Variants in PHF24 observed in about 807,000 individuals in gnomAD.
PHF24 encodes the protein Galpha inhibitory interacting protein.
PHF24 carries 25 observed loss-of-function variants against 42.6 expected under a neutral mutation model. The ratio of observed to expected loss-of-function variants is 0.59; its 90% CI spans 0.43 to 0.82. PHF24 has a LOEUF of 0.82. PHF24 is among the 40% of genes least tolerant of loss of function. PHF24 has a pLI of 0.00. For missense variants in PHF24, 470 were observed against 538.1 expected, an observed-to-expected ratio of 0.87 and a Z score of 1.25; for synonymous variants, 185 against 204.8, an observed-to-expected ratio of 0.90 and a Z score of 0.83.
chr9:34,775,282 A>G, the PHF24 span, among the ~76,000 whole-genome samples: 1 of 152,222 alleles, frequency 6.6e-6, no homozygotes, highest in Admixed American at 6.5e-5. Context: ...AAGTGATATA[A>G]GGATACAAAA....
chr9:34,731,564 G>A, the PHF24 span, among the ~76,000 whole-genome samples: 1 of 152,018 alleles, frequency 6.6e-6, no homozygotes, highest in Non-Finnish European at 1.5e-5. Context: ...ATTTTGCCAT[G>A]CCTGGCTTAT....
chr9:34,975,363 T>C (rs1411675039), intron 3 of PHF24, among the ~76,000 whole-genome samples: 1 of 152,198 alleles, frequency 6.6e-6, no homozygotes, highest in Non-Finnish European at 1.5e-5. Context: ...AACTATTATA[T>C]ATTAGTTTTT....
At chr9:34,738,054 T>C in the PHF24 span, among the ~76,000 whole-genome samples, 2 of 147,562 alleles carry the variant, frequency 1.4e-5, no homozygotes. Flanking sequence ...AGAAATAGAG[T>C]GAGATGTTCA....
the PHF24 span, among the ~76,000 whole-genome samples, chr9:34,893,474 G>A: frequency 4.3e-3 from 660 of 152,076 alleles, 6 homozygotes; most frequent in African/African-American, 0.015. Context: ...GGTGGCGTAT[G>A]CCTGTAGTCC....
the PHF24 span, among the ~76,000 whole-genome samples, chr9:34,936,024 TCTCCCGCTCCCG>T: frequency 4.7e-5 from 7 of 148,112 alleles, no homozygotes; most frequent in East Asian, 2.0e-4. Context: ...TCCCTCTCCC[TCTCCCGCTCCCG>T]CTCCCGCTCC....
chr9:34,892,715 G>A, the PHF24 span: 46 of 476,358 alleles, frequency 9.7e-5, no homozygotes, highest in Non-Finnish European at 1.6e-4. Context: ...CTGGCTCAGA[G>A]GAATTCCAGG....
chr9:34,909,772 C>T, the PHF24 span, among the ~76,000 whole-genome samples: 18 of 152,292 alleles, frequency 1.2e-4, no homozygotes, highest in South Asian at 3.7e-3. Flanking sequence ...CAGGCATCCG[C>T]CACCATGCCT....
At chr9:34,699,145 T>C in the PHF24 span, among the ~76,000 whole-genome samples, 1 of 152,244 alleles carries the variant, frequency 6.6e-6, no homozygotes, top group Admixed American at 6.5e-5. Flanking sequence ...AGACCAGACC[T>C]TAGAAGTTTC....
At chr9:34,946,170 T>A in the PHF24 span, among the ~76,000 whole-genome samples, 3 of 152,314 alleles carry the variant, frequency 2.0e-5, no homozygotes, top group East Asian at 3.9e-4. Context: ...AATAATATAA[T>A]CTATGTAAAA....
the PHF24 span, chr9:34,889,553 C>G: frequency 2.5e-6 from 1 of 398,542 alleles, no homozygotes; most frequent in Non-Finnish European, 4.4e-6. Flanking sequence ...GAATGGATTC[C>G]TCATGCCTTC....
the PHF24 span, among the ~76,000 whole-genome samples, chr9:34,707,872 C>T: frequency 6.6e-6 from 1 of 152,074 alleles, no homozygotes; most frequent in Non-Finnish European, 1.5e-5. Context: ...GCTGGGATTA[C>T]AGGCGCCCGC....
At chr9:34,791,603 G>A in the PHF24 span, among the ~76,000 whole-genome samples, 1 of 150,914 alleles carries the variant, frequency 6.6e-6, no homozygotes, top group African/African-American at 2.4e-5. Context: ...AAAAAGAAAA[G>A]AGGACTGTGG....
At chr9:34,767,798 G>A in the PHF24 span, among the ~76,000 whole-genome samples, 7 of 152,338 alleles carry the variant, frequency 4.6e-5, no homozygotes, top group East Asian at 5.8e-4. Flanking sequence ...CTTCTGCGTC[G>A]CTCACGCTGG....
chr9:34,745,436 G>A, the PHF24 span, among the ~76,000 whole-genome samples: 1 of 151,872 alleles, frequency 6.6e-6, no homozygotes, highest in African/African-American at 2.4e-5. Flanking sequence ...AAAAGCGGTG[G>A]GGAAAGAATT....
chr9:34,695,744 G>A, the PHF24 span, among the ~76,000 whole-genome samples: 12 of 152,168 alleles, frequency 7.9e-5, no homozygotes, highest in African/African-American at 2.9e-4. Context: ...ACACACTTAT[G>A]GGTACCCAGA....
chr9:34,977,042 A>G (rs762914070), intron 5 of PHF24, 41 bp from the exon 6 acceptor site: 3 of 1,542,470 alleles, frequency 1.9e-6, no homozygotes, highest in African/African-American at 2.8e-5. Flanking sequence ...GGCAGTTTAC[A>G]AGATATCTTC....
the PHF24 span, among the ~76,000 whole-genome samples, chr9:34,753,844 C>A: frequency 6.6e-6 from 1 of 152,034 alleles, no homozygotes; most frequent in African/African-American, 2.4e-5. Context: ...GCATCTACAG[C>A]GAACTCATTT....
At chr9:34,866,526 G>C in the PHF24 span, among the ~76,000 whole-genome samples, 4 of 152,118 alleles carry the variant, frequency 2.6e-5, no homozygotes, top group Non-Finnish European at 5.9e-5. Flanking sequence ...ACAAGGTTAT[G>C]AAAAACCAAC....
chr9:34,917,998 A>C, the PHF24 span: 1 of 1,355,130 alleles, frequency 7.4e-7, no homozygotes, highest in East Asian at 2.3e-5. Context: ...GAGGCCATCA[A>C]GAAATTAAGC....
Sources: gnomAD v4.1 joint callset for allele counts (sites outside exome capture counted in the v4.1 genomes callset) on GRCh38, gnomAD v4.1.1 for gene constraint, MANE v1.5 for transcripts, NCBI Gene and HGNC (gene_info 2026-07-23, HGNC 2026-07-21) for gene names.